Variants in MSRB3 observed in about 807,000 individuals in gnomAD.
MSRB3 encodes the protein methionine sulfoxide reductase B3.
Under a neutral mutation model 21.0 loss-of-function variants are expected in MSRB3, and 13 were observed. That is an observed-to-expected ratio of 0.62 (90% confidence interval 0.40 to 0.98). The LOEUF (loss-of-function observed/expected upper bound fraction) is 0.98. Ranked by LOEUF, MSRB3 falls within the 50% of genes least tolerant of loss-of-function variation. MSRB3 has a pLI of 0.00. For missense variants in MSRB3, 199 were observed against 230.3 expected, an observed-to-expected ratio of 0.86 and a Z score of 0.88; for synonymous variants, 87 against 88.6, an observed-to-expected ratio of 0.98 and a Z score of 0.10.
At chr12:65,343,037 T>G (rs1876245578) in intron 4 of MSRB3, among the ~76,000 whole-genome samples, 1 of 152,114 alleles carries the variant, frequency 6.6e-6, no homozygotes, top group African/African-American at 2.4e-5. Flanking sequence ...AGAAAAACAC[T>G]AATTATTTTA....
intron 4 of MSRB3, among the ~76,000 whole-genome samples, chr12:65,349,032 A>G (rs1259018834): frequency 2.0e-5 from 3 of 152,172 alleles, no homozygotes; most frequent in African/African-American, 7.2e-5. Flanking sequence ...AGCATTAGGT[A>G]TATCTCCCAG....
chr12:65,453,623 A>G lies in MSRB3; in HGVS notation c.293-105A>G, dbSNP rs1399108009. ...TTTCAGGTTGAAAAGTTAAACATAC[A>G]CTAAGGATTTTCATTATTTGCTTAG... On this transcript the variant is annotated intron_variant, in intron 5 of 6. Transcript: ENST00000308259. 4 of 869,026 alleles carry G rather than the reference A, an allele frequency of 4.6e-6. No individual in the cohort carries two copies. The Admixed American group carries it at 5.6e-5, about 12-fold the overall frequency. 53.8% of individuals were successfully genotyped at this position (869,026 alleles called of 1,614,324 possible). A position where few individuals can be genotyped will look rare whatever the true frequency, so the allele number is the denominator to read the frequency against.
At chr12:65,422,422 ATATATATATT>A (rs201189037) in intron 5 of MSRB3, among the ~76,000 whole-genome samples, 1,800 of 77,766 alleles carry the variant, frequency 0.023, 27 homozygotes, top group East Asian at 0.049. Context: ...ATATATATAT[ATATATATATT>A]TATTTATTTA....
chr12:65,457,973 G>A, intron 6 of MSRB3, among the ~76,000 whole-genome samples: 1 of 151,962 alleles, frequency 6.6e-6, no homozygotes, highest in East Asian at 1.9e-4. Flanking sequence ...CTTTTCTCTG[G>A]ACTGAGTTGC....
At chr12:65,413,528 T>G (rs1162327414) in intron 5 of MSRB3, among the ~76,000 whole-genome samples, 1 of 151,992 alleles carries the variant, frequency 6.6e-6, no homozygotes. Context: ...ATTCTCTTCT[T>G]TTGCTCCATG....
intron 5 of MSRB3, among the ~76,000 whole-genome samples, chr12:65,385,945 A>C (rs1423410216): frequency 2.0e-5 from 3 of 151,850 alleles, no homozygotes; most frequent in Admixed American, 6.6e-5. Context: ...TTTTTTCTGT[A>C]AATATTGGGA....
chr12:65,418,760 C>G (rs1881114893), intron 5 of MSRB3: 2 of 949,710 alleles, frequency 2.1e-6, no homozygotes, highest in Non-Finnish European at 3.4e-6. Context: ...ATCTCAGACA[C>G]CACTTTGCCA....
At chr12:65,407,807 T>G (rs116040862) in intron 5 of MSRB3, among the ~76,000 whole-genome samples, 53 of 152,322 alleles carry the variant, frequency 3.5e-4, no homozygotes, top group African/African-American at 1.0e-3. Context: ...ACTCCCAGAT[T>G]CTTTCCTCAG....
chr12:65,294,723 T>C (rs1872854023), intron 1 of MSRB3, among the ~76,000 whole-genome samples: 2 of 152,342 alleles, frequency 1.3e-5, no homozygotes, highest in South Asian at 4.1e-4. Context: ...TTTTATGTTA[T>C]GGACATATTT....
chr12:65,438,001 C>T (rs919679829), intron 5 of MSRB3, among the ~76,000 whole-genome samples: 4 of 151,816 alleles, frequency 2.6e-5, no homozygotes, highest in African/African-American at 9.7e-5. Context: ...AGACATTGTC[C>T]CTGATGAGAT....
rs145113697 is a variant in MSRB3 at position 65,342,193 on chromosome 12, G to C, written c.263+13590G>C. Among the ~76,000 whole-genome samples, 56 of 150,216 alleles carry C rather than the reference G, an allele frequency of 3.7e-4. No individual in the cohort carries two copies. In the East Asian group the frequency reaches 6.6e-3, roughly 18 times the overall value. On this transcript the variant is annotated intron_variant, in intron 4 of 6. Coordinates refer to ENST00000308259, the MANE Select transcript of MSRB3 (RefSeq NM_001031679.3). ...TTTTCTATAGCTCAAAAACACCATA[G>C]AGTATATTATTAAAAAAAAAACCAA...
chr12:65,396,839 C>G (rs1006802750), intron 5 of MSRB3, among the ~76,000 whole-genome samples: 1 of 152,098 alleles, frequency 6.6e-6, no homozygotes, highest in African/African-American at 2.4e-5. Flanking sequence ...ATTCTGCTGT[C>G]GTTGGATAAA....
chr12:65,433,194 A>T (rs1881965003), intron 5 of MSRB3, among the ~76,000 whole-genome samples: 1 of 151,974 alleles, frequency 6.6e-6, no homozygotes, highest in South Asian at 2.1e-4. Context: ...AGCATTATTC[A>T]TAGTAGCCAA....
intron 5 of MSRB3, among the ~76,000 whole-genome samples, chr12:65,424,217 C>T (rs556665183): frequency 5.1e-4 from 75 of 147,934 alleles, no homozygotes; most frequent in Non-Finnish European, 6.0e-4. Flanking sequence ...TTTTTTTTTT[C>T]CCTGATCTAC....
intron 5 of MSRB3, chr12:65,419,118 C>T (rs1380554067): frequency 5.8e-6 from 4 of 684,574 alleles, no homozygotes; most frequent in African/African-American, 3.5e-5. Context: ...CTGTATGTTA[C>T]AGCTCATCTG....
At chr12:65,327,027 T>A (rs1031034836) in intron 3 of MSRB3, 93 bp downstream of exon 3, 1 of 883,256 alleles carries the variant, frequency 1.1e-6, no homozygotes, top group African/African-American at 1.7e-5. Context: ...ATTTAAAGCA[T>A]TCTATACTTA....
chr12:65,459,433 G>A (rs939285349), intron 6 of MSRB3, among the ~76,000 whole-genome samples: 1 of 151,974 alleles, frequency 6.6e-6, no homozygotes. Context: ...TCTTTTTCTT[G>A]ATCTTTCAGT....
chr12:65,428,705 C>T (rs1034661350), intron 5 of MSRB3, among the ~76,000 whole-genome samples: 11 of 152,148 alleles, frequency 7.2e-5, no homozygotes, highest in Non-Finnish European at 1.6e-4. Flanking sequence ...CCTCCCTTTG[C>T]ATGCAATCAA....
chr12:65,440,589 A>G (rs1565893349), intron 5 of MSRB3, among the ~76,000 whole-genome samples: 1 of 151,966 alleles, frequency 6.6e-6, no homozygotes, highest in Non-Finnish European at 1.5e-5. Flanking sequence ...AAAAGACTAT[A>G]TAATGCTATA....
Sources: allele counts gnomAD v4.1 joint callset (sites outside exome capture counted in the v4.1 genomes callset), GRCh38; gene constraint gnomAD v4.1.1; transcripts MANE v1.5; gene names NCBI Gene and HGNC (gene_info 2026-07-23, HGNC 2026-07-21).